IP6K1: variants seen among roughly 807,000 people sequenced by gnomAD.
The protein encoded by IP6K1 is inositol hexakisphosphate kinase 1, also known as ATP:1D-myo-inositol-hexakisphosphate phosphotransferase.
IP6K1 carries 13 observed loss-of-function variants against 38.3 expected under a neutral mutation model. The ratio of observed to expected loss-of-function variants is 0.34; its 90% confidence interval spans 0.22 to 0.54. The LOEUF is 0.54. IP6K1 is among the 20% of genes least tolerant of loss of function. The probability of loss-of-function intolerance (pLI) is 0.92; values close to 1 mark genes in which losing one functional copy is unlikely to be tolerated. For synonymous variants in IP6K1, 212 were observed against 229.9 expected, an observed-to-expected ratio of 0.92 and a Z score of 0.70; for missense variants, 397 against 599.8, an observed-to-expected ratio of 0.66 and a Z score of 3.53.
intron 2 of IP6K1, among the ~76,000 whole-genome samples, chr3:49,738,873 C>T (rs1287917355): frequency 6.6e-6 from 1 of 152,124 alleles, no homozygotes; most frequent in African/African-American, 2.4e-5. Context: ...CCCTCCAAGA[C>T]GGTCCAAAAA....
At position 49,726,880 on chromosome 3, in the gene IP6K1, GCAGCCTGGACACAC is replaced by G; in HGVS notation, c.*228_*241del. 2.1e-6 allele frequency: 1 copy of G among 475,236 alleles called. No homozygotes were observed. Among genetic ancestry groups the G allele is most frequent in the Non-Finnish European group, 3.7e-6 (1 of 272,174 alleles). 29.4% of individuals were successfully genotyped at this position (475,236 alleles called of 1,614,324 possible). On this transcript the variant is annotated 3_prime_UTR_variant, in exon 6 of 6. Transcript: ENST00000321599. ...CCAGGGGCACCTCTTCCTTCCTAAG[GCAGCCTGGACACAC>G]CAGTCAGAGCCACAAAGCTGAGGAG...
intron 3 of IP6K1, among the ~76,000 whole-genome samples, chr3:49,733,828 TTA>T (rs1397393374): frequency 6.6e-6 from 1 of 152,188 alleles, no homozygotes; most frequent in Non-Finnish European, 1.5e-5. Context: ...GAAGGAAATT[TTA>T]TTTCTAAAAT....
At chr3:49,782,721 A>T (rs1181006036) in intron 1 of IP6K1, among the ~76,000 whole-genome samples, 1 of 149,648 alleles carries the variant, frequency 6.7e-6, no homozygotes, top group Admixed American at 6.7e-5. Context: ...TGAGGCAAGA[A>T]GATCACTTGA....
chr3:49,778,195 A>T (rs913455628), intron 1 of IP6K1, among the ~76,000 whole-genome samples: 2 of 151,700 alleles, frequency 1.3e-5, no homozygotes, highest in African/African-American at 4.8e-5. Flanking sequence ...GTGCTGGCAC[A>T]TGCCTGTAAA....
chr3:49,729,793 G>A (rs2080547916), intron 4 of IP6K1, among the ~76,000 whole-genome samples: 1 of 151,868 alleles, frequency 6.6e-6, no homozygotes, highest in Non-Finnish European at 1.5e-5. Flanking sequence ...GCAGTGGCTG[G>A]ATCCAGAGCT....
At chr3:49,778,262 T>C (rs1026097490) in intron 1 of IP6K1, among the ~76,000 whole-genome samples, 5 of 150,184 alleles carry the variant, frequency 3.3e-5, no homozygotes, top group African/African-American at 1.2e-4. Flanking sequence ...GAGGTGGAGG[T>C]TGCAGTGAAC....
chr3:49,728,737 G>A (rs949090838), intron 4 of IP6K1, among the ~76,000 whole-genome samples: 1 of 151,772 alleles, frequency 6.6e-6, no homozygotes, highest in Non-Finnish European at 1.5e-5. Context: ...CACTACACCC[G>A]GCTCATTTTT....
At chr3:49,772,611 C>T (rs2080970065) in intron 1 of IP6K1, among the ~76,000 whole-genome samples, 1 of 151,956 alleles carries the variant, frequency 6.6e-6, no homozygotes, top group South Asian at 2.1e-4. Flanking sequence ...CCATGTTGCC[C>T]AGGCTGGTCT....
At chr3:49,736,430 AT>A (rs1202531720) in intron 3 of IP6K1, among the ~76,000 whole-genome samples, 1 of 152,096 alleles carries the variant, frequency 6.6e-6, no homozygotes, top group African/African-American at 2.4e-5. Context: ...CTCTCTATAG[AT>A]TTGCCTGATG....
In IP6K1 at chr3:49,726,727, C is replaced by T. The variant is rs905715623; in HGVS notation, c.*395G>A. 7.8e-5 allele frequency: 21 copies of T among 268,502 alleles called. No homozygotes were observed. The highest frequency in any genetic ancestry group is 4.6e-4 in the Admixed American group (9 of 19,758). 16.6% of individuals were successfully genotyped at this position (268,502 alleles called of 1,614,324 possible). A position where few individuals can be genotyped will look rare whatever the true frequency, so the allele number is the denominator to read the frequency against. ...TTCTGGGGAACAAGGGAAGAGTGGG[C>T]GTGGAGGGGCCCTGCACCAGCCCAG... is the stretch of plus-strand genomic sequence containing the variant. On this transcript the variant is annotated 3_prime_UTR_variant, in exon 6 of 6. Transcript: ENST00000321599.
chr3:49,767,531 A>C (rs1340667323), intron 1 of IP6K1, among the ~76,000 whole-genome samples: 1 of 152,124 alleles, frequency 6.6e-6, no homozygotes, highest in Non-Finnish European at 1.5e-5. Flanking sequence ...GTGAGCAGAG[A>C]TCACGCCACT....
rs1347511431 is a variant in IP6K1, at chr3:49,727,514, G to C, written c.934C>G (p.Leu312Val). The C allele has an allele frequency of 2.5e-6, 4 of 1,614,210 alleles. No individual in the cohort carries two copies. The Admixed American group carries it at 6.7e-5, about 27-fold the overall frequency. ...DLRRDLFEPI[L>V]SKLRGLKAVL... ...GCTTTCAGGCCCCGCAGTTTGCTCA[G>C]GATAGGCTCAAACAGGTCACGTCGC... Residue 312 changes from leucine to valine, a missense_variant, in exon 6 of 6, where the codon CTG becomes GTG. By Grantham distance (32) the Leu-to-Val change is conservative (BLOSUM62 1). Around this residue, in one of 3 missense-constraint regions of IP6K1, gnomAD observed 164 missense variants for 213.5 expected, o/e 0.77. Coordinates refer to ENST00000321599, the MANE Select transcript of IP6K1 (RefSeq NM_153273.4). This position sits in a 1 kb window ranked among gnomAD's most constrained non-coding sequence, Gnocchi z 5.9.
At chr3:49,735,568 C>T (rs954637418) in intron 3 of IP6K1, among the ~76,000 whole-genome samples, 1 of 152,164 alleles carries the variant, frequency 6.6e-6, no homozygotes, top group East Asian at 1.9e-4. Flanking sequence ...GTCCAAAGAA[C>T]GTTTGACATT....
chr3:49,780,196 A>G (rs1385034058), intron 1 of IP6K1, among the ~76,000 whole-genome samples: 2 of 152,102 alleles, frequency 1.3e-5, no homozygotes, highest in South Asian at 2.1e-4. Context: ...AGTCCCTAAC[A>G]GAGATCCAGC....
At chr3:49,742,002 T>G (rs1162662487) in intron 2 of IP6K1, among the ~76,000 whole-genome samples, 1 of 152,096 alleles carries the variant, frequency 6.6e-6, no homozygotes, top group Non-Finnish European at 1.5e-5. Flanking sequence ...TTGCTTGAGG[T>G]CAGGAGTTTG....
chr3:49,761,308 C>T (rs752963491), intron 1 of IP6K1, among the ~76,000 whole-genome samples: 1 of 144,862 alleles, frequency 6.9e-6, no homozygotes, highest in Non-Finnish European at 1.5e-5. Flanking sequence ...AGTGAAACTC[C>T]ATCTCCAAAA....
intron 1 of IP6K1, among the ~76,000 whole-genome samples, chr3:49,752,873 C>T (rs561352052): frequency 6.6e-6 from 1 of 151,896 alleles, no homozygotes; most frequent in South Asian, 2.1e-4. Context: ...CATGCCTCAG[C>T]CTCCCAAGTA....
Position 49,738,538 on chromosome 3 carries a change from A to G in IP6K1, c.224-116T>C, listed in dbSNP as rs1479782150. On this transcript the variant is annotated intron_variant, in intron 2 of 5. Coordinates refer to ENST00000321599, the MANE Select transcript of IP6K1 (RefSeq NM_153273.4). ...TGAAGACATCACCTGCCCTGAACCA[A>G]CTACAGATCAATATCAGAACAACAG... The G allele has an allele frequency of 5.4e-6, 4 of 734,286 alleles. No homozygotes were observed. In the South Asian group the frequency reaches 6.4e-5, roughly 12 times the overall value. The allele number at this position is 734,286 out of a possible 1,614,324, so 45.5% of individuals were successfully genotyped here.
At chr3:49,776,794 T>C (rs2081020232) in intron 1 of IP6K1, among the ~76,000 whole-genome samples, 1 of 152,210 alleles carries the variant, frequency 6.6e-6, no homozygotes, top group African/African-American at 2.4e-5. Flanking sequence ...ATCGACTGTA[T>C]ATTAATATGA....
Sources: gnomAD v4.1 joint callset for allele counts (sites outside exome capture counted in the v4.1 genomes callset) on GRCh38, gnomAD v4.1.1 for gene constraint, gnomAD v4.1.1 regional missense constraint, Gnocchi (gnomAD v3.1) non-coding constraint, MANE v1.5 for transcripts, NCBI Gene and HGNC (gene_info 2026-07-23, HGNC 2026-07-21) for gene names.